Variants in SLC44A5 observed in about 807,000 individuals in gnomAD.
SLC44A5 encodes the protein choline transporter-like protein 5.
SLC44A5 carries 57 observed loss-of-function variants against 101.8 expected under a neutral mutation model. The ratio of observed to expected loss-of-function variants is 0.56; its 90% CI spans 0.45 to 0.70. The LOEUF is 0.70. Ranked by LOEUF, SLC44A5 falls within the 30% of genes least tolerant of loss-of-function variation. The probability of loss-of-function intolerance (pLI) is 0.00; values close to 1 mark genes in which losing one functional copy is unlikely to be tolerated. For synonymous variants in SLC44A5, 281 were observed against 290.9 expected (o/e 0.97, Z 0.35); for missense variants, 737 against 853.1 (o/e 0.86, Z 1.70).
chr1:75,633,052 C>G, the SLC44A5 span, among the ~76,000 whole-genome samples: 1 of 152,112 alleles, frequency 6.6e-6, no homozygotes, highest in Non-Finnish European at 1.5e-5. Context: ...ACACTCTGAT[C>G]TATTCATCTT....
In SLC44A5 at chr1:75,605,444, G is replaced by GAA. The variant is rs1267375285; in HGVS notation, c.-70+5595_-70+5596insTT. ...ATGGCCCAAAAAAGCTACAAAAAAA[G>GAA]ATGCCTGAGAGGCCACCCCTCCTTT... On this transcript the variant is annotated intron_variant, in intron 1 of 23. Coordinates refer to ENST00000370859, the MANE Select transcript of SLC44A5 (RefSeq NM_001130058.2). Among the ~76,000 whole-genome samples the GAA allele has an allele frequency of 3.9e-5, 6 of 151,958 alleles. No individual in the cohort carries two copies. In the East Asian group the frequency reaches 1.2e-3, roughly 29 times the overall value.
intron 2 of SLC44A5, among the ~76,000 whole-genome samples, chr1:75,426,721 A>G (rs1557773121): frequency 6.6e-6 from 1 of 152,230 alleles, no homozygotes; most frequent in Non-Finnish European, 1.5e-5. Context: ...CTCTTTGGTA[A>G]CTAGAGCATG....
chr1:75,493,692 T>C (rs1265594414), intron 2 of SLC44A5, among the ~76,000 whole-genome samples: 1 of 152,204 alleles, frequency 6.6e-6, no homozygotes, highest in Non-Finnish European at 1.5e-5. Flanking sequence ...TTTTCAGATA[T>C]ATAATGACTT....
At chr1:75,372,046 C>T (rs1053122815) in intron 3 of SLC44A5, among the ~76,000 whole-genome samples, 1 of 151,978 alleles carries the variant, frequency 6.6e-6, no homozygotes, top group Non-Finnish European at 1.5e-5. Context: ...AAAATACAAA[C>T]ATTAGCCGGG....
At chr1:75,569,126 T>C (rs928652409) in intron 1 of SLC44A5, among the ~76,000 whole-genome samples, 4 of 152,068 alleles carry the variant, frequency 2.6e-5, no homozygotes, top group Admixed American at 2.6e-4. Flanking sequence ...TATCTTCAAA[T>C]TGACTTCCCT....
the SLC44A5 span, among the ~76,000 whole-genome samples, chr1:75,674,886 G>C: frequency 3.3e-5 from 5 of 152,144 alleles, no homozygotes; most frequent in Admixed American, 6.5e-5. Flanking sequence ...TCCATTGCTT[G>C]TTTTTGTCAG....
chr1:75,375,007 C>T (rs1019035785), intron 3 of SLC44A5, among the ~76,000 whole-genome samples: 5 of 152,160 alleles, frequency 3.3e-5, no homozygotes, highest in Non-Finnish European at 5.9e-5. Flanking sequence ...GGATCCTAAC[C>T]AGATTGAAAT....
the SLC44A5 span, among the ~76,000 whole-genome samples, chr1:75,716,853 G>A: frequency 1.3e-5 from 2 of 151,752 alleles, no homozygotes; most frequent in African/African-American, 4.9e-5. Context: ...GCAACAGGGT[G>A]AAACCCCATC....
the SLC44A5 span, among the ~76,000 whole-genome samples, chr1:75,686,001 G>C: frequency 6.6e-6 from 1 of 152,154 alleles, no homozygotes; most frequent in African/African-American, 2.4e-5. Context: ...GCAGGAGAGG[G>C]AAGTGCTGAG....
intron 1 of SLC44A5, among the ~76,000 whole-genome samples, chr1:75,587,557 C>T (rs1674081273): frequency 6.6e-6 from 1 of 152,188 alleles, no homozygotes; most frequent in Non-Finnish European, 1.5e-5. Context: ...ACAAGATCAC[C>T]TGTGTCAAGA....
At chr1:75,545,986 C>T (rs1431137973) in intron 1 of SLC44A5, among the ~76,000 whole-genome samples, 3 of 151,900 alleles carry the variant, frequency 2.0e-5, no homozygotes, top group African/African-American at 4.8e-5. Context: ...TGCCACCACA[C>T]CAAGCTAATT....
chr1:75,720,922 C>G, the SLC44A5 span, among the ~76,000 whole-genome samples: 1 of 152,050 alleles, frequency 6.6e-6, no homozygotes, highest in African/African-American at 2.4e-5. Flanking sequence ...CTGGCTGACA[C>G]TTGGTTAAGT....
intron 2 of SLC44A5, among the ~76,000 whole-genome samples, chr1:75,411,350 T>G (rs1371059814): frequency 2.0e-5 from 3 of 152,040 alleles, no homozygotes; most frequent in African/African-American, 7.2e-5. Context: ...TCTCCAAACT[T>G]CAAGAGATAT....
the SLC44A5 span, among the ~76,000 whole-genome samples, chr1:75,656,144 T>C: frequency 6.6e-5 from 10 of 152,344 alleles, no homozygotes; most frequent in East Asian, 1.2e-3. Context: ...CAACTGAGTA[T>C]ACTGTATCCA....
Position 75,213,503 on chromosome 1 carries a change from C to T in SLC44A5, c.1962+202G>A, listed in dbSNP as rs547756363. Among the ~76,000 whole-genome samples the T allele has an allele frequency of 3.9e-5, 6 of 152,198 alleles. No homozygotes were observed. In the South Asian group the frequency reaches 1.2e-3, roughly 32 times the overall value. ...AATGAAAGAGATAATCTCTCTCTCT[C>T]TCCCCACCATGTGAGGATACAGGAG... On this transcript the variant is annotated intron_variant, in intron 22 of 23. Coordinates refer to ENST00000370859, the MANE Select transcript of SLC44A5 (RefSeq NM_001130058.2).
chr1:75,426,920 C>A (rs1026859274), intron 2 of SLC44A5, among the ~76,000 whole-genome samples: 16 of 152,212 alleles, frequency 1.1e-4, no homozygotes, highest in African/African-American at 3.9e-4. Flanking sequence ...CATCTTTCAG[C>A]GCTGGTGCAG....
chr1:75,519,850 A>G (rs1339707675), intron 2 of SLC44A5, among the ~76,000 whole-genome samples: 1 of 152,246 alleles, frequency 6.6e-6, no homozygotes, highest in Non-Finnish European at 1.5e-5. Context: ...AAAGTAAGAC[A>G]TCTCTTTGGA....
intron 2 of SLC44A5, among the ~76,000 whole-genome samples, chr1:75,455,593 G>C (rs532647199): frequency 4.3e-4 from 66 of 152,180 alleles, no homozygotes; most frequent in African/African-American, 1.6e-3. Flanking sequence ...TACAGAATCA[G>C]AGAAAATATT....
intron 5 of SLC44A5, among the ~76,000 whole-genome samples, chr1:75,290,163 T>C (rs1570587306): frequency 6.6e-6 from 1 of 152,176 alleles, no homozygotes; most frequent in Admixed American, 6.5e-5. Context: ...TTTATCAGCA[T>C]AGATGACCAA....
Sources: allele counts gnomAD v4.1 joint callset (sites outside exome capture counted in the v4.1 genomes callset), GRCh38; gene constraint gnomAD v4.1.1; transcripts MANE v1.5; gene names NCBI Gene and HGNC (gene_info 2026-07-23, HGNC 2026-07-21).